DHRS12: variants seen among roughly 807,000 people sequenced by gnomAD.
The protein encoded by DHRS12 is dehydrogenase/reductase SDR family member 12.
DHRS12 carries 29 observed loss-of-function variants against 32.1 expected under a neutral mutation model. The observed-to-expected ratio is 0.90, with a 90% CI of 0.67 to 1.23. DHRS12 has a LOEUF of 1.23. Ranked by LOEUF, DHRS12 falls within the 50% of genes most tolerant of loss-of-function variation. The pLI is 0.00. For missense variants in DHRS12, 330 were observed against 337.2 expected (o/e 0.98, Z 0.17); for synonymous variants, 150 against 135.9 (o/e 1.10, Z -0.72).
At chr13:51,795,383 A>C (rs889863135) in intron 2 of DHRS12, among the ~76,000 whole-genome samples, 2 of 152,210 alleles carry the variant, frequency 1.3e-5, no homozygotes, top group Admixed American at 1.3e-4. Context: ...AGTGGTAATA[A>C]TATTAGTATA....
chr13:51,788,269 T>C (rs1467201741), intron 4 of DHRS12, among the ~76,000 whole-genome samples: 2 of 152,130 alleles, frequency 1.3e-5, no homozygotes, highest in Non-Finnish European at 2.9e-5. Context: ...CATCGAGTTA[T>C]GAGCCAAACT....
In DHRS12 at chr13:51,799,645, T is replaced by C; in HGVS notation, c.15A>G (p.Val5=). MNLH[V]KTLSLMTWRS... ...TCCAAGTCATGAGGGACAAAGTCTT[T>C]ACATGCAGATTCATAGCCACTCCTA... Residue 5 remains valine, a synonymous_variant, in exon 2 of 9, where the codon GTA becomes GTG. Coordinates refer to ENST00000444610, the MANE Select transcript of DHRS12 (RefSeq NM_001377533.1). The C allele has an allele frequency of 6.2e-7, 1 of 1,614,100 alleles. No homozygotes were observed. Among genetic ancestry groups the C allele is most frequent in the South Asian group, 1.1e-5 (1 of 91,080 alleles).
At chr13:51,789,407 A>G (rs1765192712) in intron 4 of DHRS12, 1 of 379,582 alleles carries the variant, frequency 2.6e-6, no homozygotes. Context: ...AAGGCCTGTC[A>G]AACTGGATTT....
chr13:51,766,900 T>G (rs1420692360), downstream of DHRS12: 2 of 152,198 alleles, frequency 1.3e-5, no homozygotes, highest in African/African-American at 4.8e-5. Context: ...GAGGGGGAGG[T>G]TCCAGACCAC....
chr13:51,787,990 G>T (rs1179543910), intron 4 of DHRS12, among the ~76,000 whole-genome samples: 1 of 146,076 alleles, frequency 6.8e-6, no homozygotes, highest in African/African-American at 2.6e-5. Flanking sequence ...TGGCCCGGCC[G>T]CAGCGAACAC....
At chr13:51,799,292 A>G (rs1373022368) in intron 2 of DHRS12, among the ~76,000 whole-genome samples, 3 of 152,186 alleles carry the variant, frequency 2.0e-5, no homozygotes, top group Non-Finnish European at 4.4e-5. Context: ...ATCAGAAAAC[A>G]CTGGGACACG....
At chr13:51,772,961 C>G in intron 6 of DHRS12, 42 of 985,476 alleles carry the variant, frequency 4.3e-5, no homozygotes, top group Non-Finnish European at 4.9e-5. Flanking sequence ...CAGACAGGGC[C>G]ACCTTCGGAA....
chr13:51,777,315 C>T, intron 4 of DHRS12, 194 bp from the exon 5 acceptor site: 1 of 606,162 alleles, frequency 1.6e-6, no homozygotes, highest in Admixed American at 2.8e-5. Context: ...AAGAAAGATG[C>T]CTTAGAGCCT....
At chr13:51,765,130 GA>G (rs1953709322), downstream of DHRS12, 1 of 152,238 alleles carries the variant, frequency 6.6e-6, no homozygotes, top group South Asian at 2.1e-4. Context: ...TGGCCCTGTG[GA>G]GGCAGGAACA....
At chr13:51,777,226 A>G in intron 4 of DHRS12, 105 bp from the exon 5 acceptor site, 1 of 1,335,112 alleles carries the variant, frequency 7.5e-7, no homozygotes, top group Non-Finnish European at 1.1e-6. Context: ...GCCCCCCACA[A>G]GAGGGCAAGT....
intron 7 of DHRS12, chr13:51,771,527 C>T: frequency 6.2e-7 from 1 of 1,612,682 alleles, no homozygotes; most frequent in African/African-American, 1.3e-5. Flanking sequence ...TCACCGGCTC[C>T]CTCTCTCACC....
intron 4 of DHRS12, among the ~76,000 whole-genome samples, chr13:51,789,222 A>G (rs1566298592): frequency 6.6e-6 from 1 of 152,200 alleles, no homozygotes; most frequent in East Asian, 1.9e-4. Flanking sequence ...CTAGAACAAT[A>G]CTTAATTAAA....
At chr13:51,799,813 C>A in intron 1 of DHRS12, 146 bp from the exon 2 acceptor site, 1 of 890,038 alleles carries the variant, frequency 1.1e-6, no homozygotes, top group East Asian at 2.6e-5. Context: ...CCTTGCCCTC[C>A]CTGCTCTCAC....
chr13:51,795,335 A>T (rs1955465369), intron 2 of DHRS12, among the ~76,000 whole-genome samples: 1 of 152,220 alleles, frequency 6.6e-6, no homozygotes, highest in South Asian at 2.1e-4. Context: ...AGCACTGATT[A>T]AACAGAACAC....
intron 4 of DHRS12, chr13:51,789,439 G>T: frequency 1.5e-6 from 1 of 687,900 alleles, no homozygotes; most frequent in Non-Finnish European, 1.8e-6. Context: ...TCATTCCAGA[G>T]TTTCAGATTC....
downstream of DHRS12, chr13:51,767,700 T>G: frequency 6.5e-6 from 1 of 154,022 alleles, no homozygotes; most frequent in Non-Finnish European, 1.4e-5. Flanking sequence ...AAATTGTTTG[T>G]GTAAATATGC....
chr13:51,768,473 TGTA>T, intron 8 of DHRS12, 177 bp from the exon 9 acceptor site: 1 of 1,430,026 alleles, frequency 7.0e-7, no homozygotes, highest in Non-Finnish European at 9.1e-7. Context: ...TGGATTGATA[TGTA>T]AAGTGCAGTT....
At chr13:51,803,376 G>A (rs548336803) in intron 1 of DHRS12, among the ~76,000 whole-genome samples, 8 of 152,358 alleles carry the variant, frequency 5.3e-5, no homozygotes, top group Admixed American at 5.2e-4. Context: ...CAGTGATTCT[G>A]ATGTGCAGAC....
intron 4 of DHRS12, among the ~76,000 whole-genome samples, chr13:51,787,537 G>A (rs946385322): frequency 5.3e-5 from 8 of 151,340 alleles, no homozygotes; most frequent in Non-Finnish European, 1.2e-4. Context: ...GGGTCGTGGA[G>A]GAAGTCAGAC....
Sources: allele counts gnomAD v4.1 joint callset (sites outside exome capture counted in the v4.1 genomes callset), GRCh38; gene constraint gnomAD v4.1.1; transcripts MANE v1.5; gene names NCBI Gene and HGNC (gene_info 2026-07-23, HGNC 2026-07-21).